IHO1: variants seen among roughly 807,000 people sequenced by gnomAD.
IHO1 encodes interactor of HORMAD1 protein 1.
A neutral mutation model predicts 31.0 loss-of-function variants in IHO1; 13 were observed. The ratio of observed to expected loss-of-function variants is 0.42; its 90% confidence interval spans 0.27 to 0.67. IHO1 has a LOEUF of 0.67. IHO1 is among the 30% of genes least tolerant of loss of function. The pLI, the probability that IHO1 is intolerant of heterozygous loss-of-function variation, is 0.24. For synonymous variants in IHO1, 221 were observed against 248.4 expected, an observed-to-expected ratio of 0.89 and a Z score of 1.04; for missense variants, 599 against 687.5, an observed-to-expected ratio of 0.87 and a Z score of 1.44.
chr3:49,239,439 G>A (rs747747492), intron 3 of IHO1, among the ~76,000 whole-genome samples: 3 of 150,314 alleles, frequency 2.0e-5, no homozygotes, highest in South Asian at 2.1e-4. Context: ...GCACCACCAC[G>A]CCCAGCTAAT....
chr3:49,247,040 G>A (rs2046703792), intron 6 of IHO1, among the ~76,000 whole-genome samples: 1 of 151,654 alleles, frequency 6.6e-6, no homozygotes, highest in Non-Finnish European at 1.5e-5. Flanking sequence ...GTAGAGACGG[G>A]GTTTCACCAT....
chr3:49,236,794 T>C (rs2046565086), intron 3 of IHO1, 72 bp downstream of exon 3: 1 of 1,446,520 alleles, frequency 6.9e-7, no homozygotes, highest in Non-Finnish European at 9.4e-7. Flanking sequence ...AAAGAATACT[T>C]ATTCTGGCCA....
chr3:49,231,163 A>G (rs561513205), intron 2 of IHO1, among the ~76,000 whole-genome samples: 22 of 152,144 alleles, frequency 1.4e-4, no homozygotes, highest in Non-Finnish European at 3.2e-4. Flanking sequence ...GAAATGGGAG[A>G]ACTTGGATTG....
intron 1 of IHO1, among the ~76,000 whole-genome samples, chr3:49,202,067 G>C (rs2046076579): frequency 6.6e-6 from 1 of 152,058 alleles, no homozygotes; most frequent in South Asian, 2.1e-4. Context: ...ATGATTTTTA[G>C]GTTCTAGGGC....
At chr3:49,201,819 G>A (rs1291205127) in intron 1 of IHO1, among the ~76,000 whole-genome samples, 1 of 152,168 alleles carries the variant, frequency 6.6e-6, no homozygotes, top group African/African-American at 2.4e-5. Flanking sequence ...TCAGGAGTCT[G>A]AGTTGGGAAG....
intron 3 of IHO1, among the ~76,000 whole-genome samples, chr3:49,239,655 C>T (rs1475356830): frequency 6.6e-6 from 1 of 151,050 alleles, no homozygotes; most frequent in African/African-American, 2.4e-5. Context: ...AACTCCTGGG[C>T]TCAAGGGATT....
At position 49,256,096 on chromosome 3, in the gene IHO1, C is replaced by G. The variant is rs1470731403; in HGVS notation, c.637-38C>G. ...GTTTTATTGTGCTTTCTGACTTGCA[C>G]TGTCCATCACTGTCTTTCTCACTGC... is the stretch of plus-strand genomic sequence containing the variant. On this transcript the variant is annotated intron_variant, in intron 7 of 7. Coordinates refer to ENST00000452691, the MANE Select transcript of IHO1 (RefSeq NM_001135197.2). This position sits in a 1 kb window ranked among gnomAD's most constrained non-coding sequence, Gnocchi z 4.6. The G allele has an allele frequency of 3.3e-6, 5 of 1,518,832 alleles. No homozygotes were observed. The highest frequency in any genetic ancestry group is 1.4e-5 in the African/African-American group (1 of 72,348). 94.1% of individuals were successfully genotyped at this position (1,518,832 alleles called of 1,614,324 possible).
chr3:49,251,421 G>A (rs918669873), intron 6 of IHO1, among the ~76,000 whole-genome samples: 18 of 151,726 alleles, frequency 1.2e-4, no homozygotes, highest in African/African-American at 4.4e-4. Context: ...GAGTAGCTGG[G>A]ACTACAGGCG....
At chr3:49,222,912 C>T (rs2046371170) in intron 2 of IHO1, among the ~76,000 whole-genome samples, 2 of 152,080 alleles carry the variant, frequency 1.3e-5, no homozygotes, top group Admixed American at 1.3e-4. Flanking sequence ...ACCTTAACTG[C>T]AGTGGGGTTA....
intron 2 of IHO1, among the ~76,000 whole-genome samples, chr3:49,230,598 T>G (rs908890647): frequency 6.6e-6 from 1 of 152,218 alleles, no homozygotes; most frequent in African/African-American, 2.4e-5. Context: ...ATGGATGATA[T>G]ATTTTGTACT....
intron 2 of IHO1, among the ~76,000 whole-genome samples, chr3:49,225,284 T>G (rs2046404785): frequency 6.6e-6 from 1 of 152,066 alleles, no homozygotes; most frequent in Non-Finnish European, 1.5e-5. Flanking sequence ...ACCAACATGG[T>G]GAAACCCCGT....
At position 49,256,862 on chromosome 3, in the gene IHO1, G is replaced by C. The variant is rs140975114; in HGVS notation, c.1365G>C (p.Arg455Ser). The C allele has an allele frequency of 6.2e-7, 1 of 1,614,108 alleles. No individual in the cohort carries two copies. The highest frequency in any genetic ancestry group is 1.3e-5 in the African/African-American group (1 of 74,932). The stretch of plus-strand genomic sequence containing the variant: ...AGGCCCACAGGGCCCACAGAGGCAG[G>C]CTCATAGCCAGCAAGCAAAAACAAA... ...PRKAHRAHRG[R>S]LIASKQKQIP... Residue 455 changes from arginine (R) to serine (S), a missense_variant, in exon 8 of 8, where the codon AGG becomes AGC. Transcript: ENST00000452691. The surrounding 1 kb of genome is among the most constrained non-coding windows in gnomAD (Gnocchi z 4.6).
intron 3 of IHO1, among the ~76,000 whole-genome samples, chr3:49,238,364 C>T (rs1435951834): frequency 6.6e-6 from 1 of 152,042 alleles, no homozygotes; most frequent in Non-Finnish European, 1.5e-5. Flanking sequence ...GGTGCTGTGG[C>T]AGGAATCAGA....
chr3:49,225,296 T>C (rs2046404928), intron 2 of IHO1, among the ~76,000 whole-genome samples: 1 of 152,082 alleles, frequency 6.6e-6, no homozygotes, highest in Non-Finnish European at 1.5e-5. Context: ...AAACCCCGTC[T>C]CTACTAAAAA....
intron 3 of IHO1, among the ~76,000 whole-genome samples, chr3:49,239,134 G>A (rs868836262): frequency 1.3e-5 from 2 of 152,172 alleles, no homozygotes; most frequent in South Asian, 2.1e-4. Context: ...CCCATGCCCA[G>A]CTAATTTTTG....
chr3:49,216,939 A>C (rs2046293869), intron 2 of IHO1, among the ~76,000 whole-genome samples: 1 of 152,250 alleles, frequency 6.6e-6, no homozygotes, highest in Non-Finnish European at 1.5e-5. Context: ...CCACAATGAG[A>C]TACCATCTCA....
intron 3 of IHO1, 24 bp from the exon 4 acceptor site, chr3:49,241,202 C>T (rs1201921828): frequency 6.4e-7 from 1 of 1,561,982 alleles, no homozygotes; most frequent in Non-Finnish European, 8.7e-7. Flanking sequence ...GTGTGAAATG[C>T]TATATATTTT....
chr3:49,224,284 G>C (rs549731310), intron 2 of IHO1, among the ~76,000 whole-genome samples: 1 of 152,078 alleles, frequency 6.6e-6, no homozygotes, highest in Admixed American at 6.6e-5. Context: ...TTTCTAATGG[G>C]AGGTTCCACC....
At chr3:49,206,367 AT>A (rs2046137566) in intron 1 of IHO1, among the ~76,000 whole-genome samples, 1 of 151,998 alleles carries the variant, frequency 6.6e-6, no homozygotes, top group South Asian at 2.1e-4. Flanking sequence ...AAGTTCTGGG[AT>A]TACAGGCGTG....
Sources: gnomAD v4.1 joint callset for allele counts (sites outside exome capture counted in the v4.1 genomes callset) on GRCh38, gnomAD v4.1.1 for gene constraint, Gnocchi (gnomAD v3.1) non-coding constraint, MANE v1.5 for transcripts, NCBI Gene and HGNC (gene_info 2026-07-23, HGNC 2026-07-21) for gene names.